TRIO: variants seen among roughly 807,000 people sequenced by gnomAD.
TRIO encodes the protein triple functional domain protein.
A neutral mutation model predicts 351.9 loss-of-function variants in TRIO; 58 were observed. That is an observed-to-expected ratio of 0.16 (90% CI 0.13 to 0.21). TRIO has a LOEUF of 0.21. Ranked by LOEUF, TRIO falls within the 10% of genes least tolerant of loss-of-function variation. The pLI, the probability that TRIO is intolerant of heterozygous loss-of-function variation, is 1.00. For synonymous variants in TRIO, 1,758 were observed against 1,595.7 expected (o/e 1.10, Z -2.42); for missense variants, 3,201 against 4,027.8 (o/e 0.79, Z 5.56).
chr5:14,376,829 T>A (rs1257094405), intron 19 of TRIO, among the ~76,000 whole-genome samples: 1 of 152,180 alleles, frequency 6.6e-6, no homozygotes, highest in Non-Finnish European at 1.5e-5. Flanking sequence ...TCATACTCAG[T>A]TTTTCTCCCT....
intron 34 of TRIO, among the ~76,000 whole-genome samples, chr5:14,459,248 G>T (rs1262362061): frequency 6.6e-6 from 1 of 152,216 alleles, no homozygotes; most frequent in Non-Finnish European, 1.5e-5. Context: ...TGCCAACTCT[G>T]CTCCTGTAAT....
At chr5:14,174,326 G>T (rs1003746814) in intron 1 of TRIO, among the ~76,000 whole-genome samples, 5 of 152,148 alleles carry the variant, frequency 3.3e-5, no homozygotes, top group African/African-American at 1.2e-4. Context: ...AGGGAAGGTG[G>T]TATAACCCCA....
Position 14,488,477 on chromosome 5 carries a change from A to G in TRIO, c.7632+217A>G, listed in dbSNP as rs543219664. 2.6e-5 allele frequency: 16 copies of G among 619,874 alleles called. 1 individual carries two copies. Among genetic ancestry groups the G allele is most frequent in the South Asian group, 1.8e-4 (7 of 39,504 alleles). 38.4% of individuals were successfully genotyped at this position (619,874 alleles called of 1,614,324 possible). On this transcript the variant is annotated intron_variant, in intron 48 of 56. Coordinates refer to ENST00000344204, the MANE Select transcript of TRIO (RefSeq NM_007118.4). ...CGTGTCTTCTAATAAGAGCAAGCCG[A>G]TCATTAACCTTCTCAACGCAGCGTC...
chr5:14,468,369 C>T (rs1298906686), intron 37 of TRIO, among the ~76,000 whole-genome samples: 4 of 152,266 alleles, frequency 2.6e-5, no homozygotes, highest in African/African-American at 9.6e-5. Flanking sequence ...GCAAGTCCTT[C>T]AGCCTCGGAG....
At chr5:14,292,150 T>C (rs750898386) in intron 5 of TRIO, among the ~76,000 whole-genome samples, 1 of 152,254 alleles carries the variant, frequency 6.6e-6, no homozygotes, top group Non-Finnish European at 1.5e-5. Context: ...GAGAATATTT[T>C]GTAAAGTAAA....
At chr5:14,432,497 T>C (rs1314461997) in intron 34 of TRIO, among the ~76,000 whole-genome samples, 1 of 152,212 alleles carries the variant, frequency 6.6e-6, no homozygotes, top group African/African-American at 2.4e-5. Context: ...CCATGGGCCC[T>C]CCAACATTTC....
chr5:14,199,172 A>G (rs987464618), intron 1 of TRIO, among the ~76,000 whole-genome samples: 2 of 120,982 alleles, frequency 1.7e-5, no homozygotes, highest in Non-Finnish European at 3.2e-5. Flanking sequence ...GCTGCATTCC[A>G]GCCTGGGCAA....
intron 9 of TRIO, among the ~76,000 whole-genome samples, chr5:14,330,003 A>G (rs1740761279): frequency 6.6e-6 from 1 of 152,204 alleles, no homozygotes; most frequent in African/African-American, 2.4e-5. Context: ...AAAACCACAT[A>G]AAAGTGGACC....
At chr5:14,455,562 C>A (rs2126459542) in intron 34 of TRIO, among the ~76,000 whole-genome samples, 1 of 147,524 alleles carries the variant, frequency 6.8e-6, no homozygotes. Context: ...TCTCCAAGGC[C>A]CCACTAGATT....
intron 21 of TRIO, 106 bp downstream of exon 21, chr5:14,381,358 G>C (rs1247636899): frequency 7.2e-7 from 1 of 1,379,684 alleles, no homozygotes; most frequent in African/African-American, 1.5e-5. Flanking sequence ...ATGACCCAGT[G>C]GGCTGTTCCA....
At chr5:14,403,845 AGGT>A (rs1165126467) in intron 31 of TRIO, among the ~76,000 whole-genome samples, 1 of 55,718 alleles carries the variant, frequency 1.8e-5, no homozygotes, top group Non-Finnish European at 3.0e-5. Flanking sequence ...GTGAGGGTGC[AGGT>A]GGTGGTGAGG....
chr5:14,148,000 TGTAA>T (rs1481731056), intron 1 of TRIO, among the ~76,000 whole-genome samples: 4 of 152,258 alleles, frequency 2.6e-5, no homozygotes, highest in Non-Finnish European at 2.9e-5. Flanking sequence ...CTAAAATTCC[TGTAA>T]GTGACTTTCG....
chr5:14,427,486 T>C (rs1430323674), intron 34 of TRIO, among the ~76,000 whole-genome samples: 1 of 152,148 alleles, frequency 6.6e-6, no homozygotes, highest in Non-Finnish European at 1.5e-5. Context: ...GATACGCCGG[T>C]GCTGTTTCCC....
rs776800016 is a variant in TRIO at position 14,489,057 on chromosome 5, C to A, written c.7632+797C>A. ...CAGATGGCCTGGCCCGTAACACTTT[C>A]CTGAAGGCATGCGTGAGTGAATAGA... On this transcript the variant is annotated intron_variant, in intron 48 of 56. Coordinates refer to ENST00000344204, the MANE Select transcript of TRIO (RefSeq NM_007118.4). 1.0e-5 allele frequency: 8 copies of A among 765,132 alleles called. No homozygotes were observed. In the South Asian group the frequency reaches 1.1e-4, roughly 10 times the overall value. The allele number at this position is 765,132 out of a possible 1,614,324, so 47.4% of individuals were successfully genotyped here. A position where few individuals can be genotyped will look rare whatever the true frequency, so the allele number is the denominator to read the frequency against.
At chr5:14,498,003 G>T in intron 51 of TRIO, 86 bp from the exon 52 acceptor site, 1 of 1,610,806 alleles carries the variant, frequency 6.2e-7, no homozygotes. Flanking sequence ...AGCAGGTTAG[G>T]TCCTATCAAT....
chr5:14,304,406 C>T lies in TRIO; in HGVS notation c.1369-55C>T, dbSNP rs1738182016. ...TTTCAAAACCATGTTAAAAAATGTC[C>T]ACTTCTCAATATAAATTGTCATTGA... On this transcript the variant is annotated intron_variant, in intron 7 of 56. Coordinates refer to ENST00000344204, the MANE Select transcript of TRIO (RefSeq NM_007118.4). 3 of 1,543,124 alleles carry T rather than the reference C, an allele frequency of 1.9e-6. No individual in the cohort carries two copies. The Admixed American group carries it at 6.2e-5, about 32-fold the overall frequency.
At chr5:14,418,518 C>CT (rs1184373434) in intron 33 of TRIO, among the ~76,000 whole-genome samples, 1 of 152,050 alleles carries the variant, frequency 6.6e-6, no homozygotes. Flanking sequence ...GCTTGAGTGA[C>CT]TTGATGGTGA....
rs755383315 is a variant in TRIO, at chr5:14,498,237, C to T, written c.8196C>T (p.Tyr2732=). The stretch of plus-strand genomic sequence containing the variant: ...ACACCTTGAACAACGATGGTCACTA[C>T]AGCATCTCCTACAGGTGAGGGAGGC... ...EHNTLNNDGH[Y]SISYSDLGEA... Residue 2732 remains tyrosine, a synonymous_variant, in exon 52 of 57, where the codon TAC becomes TAT. Transcript: ENST00000344204. 3.7e-6 allele frequency: 6 copies of T among 1,614,232 alleles called. No individual in the cohort carries two copies. Among genetic ancestry groups the T allele is most frequent in the East Asian group, 4.5e-5 (2 of 44,886 alleles).
rs376417611 is a variant in TRIO at position 14,495,923 on chromosome 5, G to A, written c.7881-956G>A. 1.8e-4 allele frequency among the ~76,000 whole-genome samples: 28 copies of A among 152,168 alleles called. No individual in the cohort carries two copies. In the South Asian group the frequency reaches 4.6e-3, roughly 25 times the overall value. On this transcript the variant is annotated intron_variant, in intron 49 of 56. Coordinates refer to ENST00000344204, the MANE Select transcript of TRIO (RefSeq NM_007118.4). The stretch of plus-strand genomic sequence containing the variant: ...GTGGAGCTTGCAGTGAGCCGAGTTC[G>A]CGCCACTGCACTCCAGCCTGGGTGA...
Sources: allele counts gnomAD v4.1 joint callset (sites outside exome capture counted in the v4.1 genomes callset), GRCh38; gene constraint gnomAD v4.1.1; transcripts MANE v1.5; gene names NCBI Gene and HGNC (gene_info 2026-07-23, HGNC 2026-07-21).